NDUFAF7: variants seen among roughly 807,000 people sequenced by gnomAD.
NDUFAF7 encodes protein arginine methyltransferase NDUFAF7, mitochondrial.
In NDUFAF7, 48 loss-of-function variants were observed where a neutral mutation model predicts 47.2. That is an observed-to-expected ratio of 1.02 (90% confidence interval 0.81 to 1.29). NDUFAF7 has a LOEUF of 1.29. NDUFAF7 is among the 50% of genes most tolerant of loss of function. NDUFAF7 has a pLI of 0.00. For synonymous variants in NDUFAF7, 217 were observed against 190.0 expected, an observed-to-expected ratio of 1.14 and a Z score of -1.17; for missense variants, 635 against 537.6, an observed-to-expected ratio of 1.18 and a Z score of -1.79.
rs202230527 is a variant in NDUFAF7 at position 37,246,073 on chromosome 2, G to C, written c.814G>C (p.Val272Leu). Residue 272 changes from valine to leucine, a missense_variant, in exon 8 of 10, where the codon GTT (valine) becomes CTT (leucine). Transcript: ENST00000002125. ...CTAGCATGACGAAACAAGGGATCATGTTGAAGTGTGTCCTGATGCTGGTGT... is the reference window on the plus strand; with the variant it reads ...CTAGCATGACGAAACAAGGGATCATCTTGAAGTGTGTCCTGATGCTGGTGT... ...FIQHDETRDH[V>L]EVCPDAGVII... 2.5e-6 allele frequency: 4 copies of C among 1,613,914 alleles called. No individual in the cohort carries two copies. The East Asian group carries it at 8.9e-5, about 36-fold the overall frequency.
chr2:37,233,249 G>T (rs147333777), intron 2 of NDUFAF7, among the ~76,000 whole-genome samples: 29 of 152,272 alleles, frequency 1.9e-4, no homozygotes, highest in Admixed American at 8.5e-4. Context: ...CTAGGGAGAG[G>T]GCCTACACCA....
chr2:37,237,414 A>G (rs1399834618), intron 3 of NDUFAF7, among the ~76,000 whole-genome samples: 1 of 152,268 alleles, frequency 6.6e-6, no homozygotes, highest in Non-Finnish European at 1.5e-5. Flanking sequence ...AATTGTTTAA[A>G]TCATATGAAT....
At chr2:37,253,060 TATC>T (rs2148467275), downstream of NDUFAF7, 6 of 1,090,474 alleles carry the variant, frequency 5.5e-6, no homozygotes, top group South Asian at 5.7e-5. Flanking sequence ...ACTTATTCGT[TATC>T]ATATTTCTTC....
chr2:37,253,101 T>C, downstream of NDUFAF7: 1 of 1,409,258 alleles, frequency 7.1e-7, no homozygotes, highest in Admixed American at 2.0e-5. Context: ...CAGATGACAA[T>C]CTACAAAGAA....
rs1356602903 is a variant in NDUFAF7, at chr2:37,248,274, G to T, written c.1250G>T (p.Arg417Ile). 1.2e-6 allele frequency: 2 copies of T among 1,614,038 alleles called. No individual in the cohort carries two copies. The highest frequency in any genetic ancestry group is 2.7e-5 in the African/African-American group (2 of 74,930). Residue 417 changes from arginine (R) to isoleucine (I), a missense_variant, in exon 10 of 10, where the codon AGA (arginine) becomes ATA (isoleucine). Physicochemically the swap from Arg to Ile is moderately conservative, Grantham distance 97. Coordinates refer to ENST00000002125, the MANE Select transcript of NDUFAF7 (RefSeq NM_144736.5). ...CCTCATCAGAGACTTCAAGGTGGAAGATATCAGAGGAATGCACGTCAGTCA... is the reference window on the plus strand; with the variant it reads ...CCTCATCAGAGACTTCAAGGTGGAATATATCAGAGGAATGCACGTCAGTCA... The part of the protein sequence containing the change: ...LLPHQRLQGG[R>I]YQRNARQSKP...
chr2:37,249,163 C>T (rs1410236788), downstream of NDUFAF7: 3 of 152,124 alleles, frequency 2.0e-5, no homozygotes, highest in Non-Finnish European at 2.9e-5. Flanking sequence ...GAAACGAATA[C>T]ACTAGTGTAC....
At chr2:37,269,340 C>A in the NDUFAF7 span, 130 of 399,392 alleles carry the variant, frequency 3.3e-4, no homozygotes, top group Middle Eastern at 4.5e-3. Flanking sequence ...CATCTCCCCC[C>A]CTGCCTCCGA....
At chr2:37,253,279 A>G (rs138690790), downstream of NDUFAF7, 811 of 1,613,130 alleles carry the variant, frequency 5.0e-4, 2 homozygotes, top group Middle Eastern at 7.8e-3. Flanking sequence ...GAGCATCATC[A>G]CTTTCATGTG....
downstream of NDUFAF7, chr2:37,254,186 G>C: frequency 6.4e-7 from 1 of 1,572,204 alleles, no homozygotes; most frequent in Non-Finnish European, 8.8e-7. Context: ...GCCAAAGAGA[G>C]ATTACATTTT....
At chr2:37,242,975 G>T (rs534174954) in intron 6 of NDUFAF7, among the ~76,000 whole-genome samples, 1 of 152,134 alleles carries the variant, frequency 6.6e-6, no homozygotes, top group East Asian at 1.9e-4. Flanking sequence ...TGCAATGAAG[G>T]ATTTACTTAA....
chr2:37,261,906 A>G, the NDUFAF7 span, among the ~76,000 whole-genome samples: 1 of 152,148 alleles, frequency 6.6e-6, no homozygotes, highest in Admixed American at 6.5e-5. Flanking sequence ...TACCTGCACA[A>G]CCATTCCGTT....
chr2:37,237,518 A>G (rs542224534), intron 3 of NDUFAF7, among the ~76,000 whole-genome samples: 1 of 152,248 alleles, frequency 6.6e-6, no homozygotes, highest in East Asian at 1.9e-4. Context: ...ATGTCATGGG[A>G]CCTTTTATAG....
chr2:37,232,195 T>C lies in NDUFAF7; in HGVS notation c.145T>C (p.Tyr49His), dbSNP rs1260718412. 3.7e-6 allele frequency: 6 copies of C among 1,614,150 alleles called. No homozygotes were observed. The East Asian group carries it at 1.3e-4, about 36-fold the overall frequency. Residue 49 changes from tyrosine (Y) to histidine (H), a missense_variant, in exon 2 of 10, where the codon TAC becomes CAC. Tyr to His is a moderately conservative substitution (Grantham distance 83). Transcript: ENST00000002125. ...GACGCCGATGCTGCGGCATCTTATG[T>C]ACAAAATAAAGTCTACTGGTCCCAT... ...PVTPMLRHLM[Y>H]KIKSTGPITV...
chr2:37,248,102 G>A, intron 9 of NDUFAF7, 33 bp from the exon 10 acceptor site: 1 of 1,520,060 alleles, frequency 6.6e-7, no homozygotes, highest in Non-Finnish European at 9.1e-7. Flanking sequence ...CCTGTCTTCT[G>A]GTTATTTTTG....
chr2:37,241,009 G>A (rs1241629736), intron 4 of NDUFAF7, among the ~76,000 whole-genome samples: 1 of 152,126 alleles, frequency 6.6e-6, no homozygotes, highest in Non-Finnish European at 1.5e-5. Flanking sequence ...TACACTTTAT[G>A]CTTTTGCTAT....
At position 37,242,679 on chromosome 2, in the gene NDUFAF7, G is replaced by A; in HGVS notation, c.667G>A (p.Val223Met). The A allele has an allele frequency of 3.1e-6, 5 of 1,602,548 alleles. No individual in the cohort carries two copies. The highest frequency in any genetic ancestry group is 4.3e-6 in the Non-Finnish European group (5 of 1,169,940). ...LAHEFFDVLP[V>M]HKFQKTPQGW... ...ACATGAATTTTTTGATGTTCTTCCT[G>A]TGCATAAATTTCAGGTATTGAGGGG... The change falls in exon 6 of 10, where the codon GTG (valine) becomes ATG (methionine). Residue 223 changes from valine (V) to methionine (M), a missense_variant. By Grantham distance (21) the Val-to-Met change is conservative. Coordinates refer to ENST00000002125, the MANE Select transcript of NDUFAF7 (RefSeq NM_144736.5).
chr2:37,236,203 A>C (rs773025240), intron 3 of NDUFAF7, 27 bp downstream of exon 3: 74 of 1,505,790 alleles, frequency 4.9e-5, no homozygotes, highest in South Asian at 7.9e-5. Context: ...AGTATGAATG[A>C]AGCTAATATA....
chr2:37,252,834 C>CAT (rs1296461306), downstream of NDUFAF7: 1 of 100,544 alleles, frequency 9.9e-6, no homozygotes, highest in Non-Finnish European at 2.1e-5. Flanking sequence ...AACAAACAAA[C>CAT]ATATATTTAT....
chr2:37,236,906 G>A (rs1665849087), intron 3 of NDUFAF7, among the ~76,000 whole-genome samples: 1 of 152,098 alleles, frequency 6.6e-6, no homozygotes, highest in South Asian at 2.1e-4. Context: ...AGAATTAGTG[G>A]AATTAAGAGA....
Sources: allele counts gnomAD v4.1 joint callset (sites outside exome capture counted in the v4.1 genomes callset), GRCh38; gene constraint gnomAD v4.1.1; transcripts MANE v1.5; gene names NCBI Gene and HGNC (gene_info 2026-07-23, HGNC 2026-07-21).